The following SGCZ variants were observed in gnomAD, a reference collection of about 807,000 sequenced individuals.
SGCZ encodes sarcoglycan zeta.
In SGCZ, 40 loss-of-function variants were observed where a neutral mutation model predicts 41.3. That is an observed-to-expected ratio of 0.97 (90% confidence interval 0.75 to 1.26). SGCZ has a LOEUF of 1.26. SGCZ is among the 50% of genes most tolerant of loss of function. SGCZ has a pLI of 0.00. For synonymous variants in SGCZ, 206 were observed against 137.5 expected, an observed-to-expected ratio of 1.50 and a Z score of -3.49; for missense variants, 552 against 369.8, an observed-to-expected ratio of 1.49 and a Z score of -4.04.
Position 14,449,707 on chromosome 8 carries a change from T to G in SGCZ, c.234+105025A>C, listed in dbSNP as rs553398999. ...CAAAGATACTCTTCATGCATTAAAG[T>G]AAATTTTTGTCTTCCATTTCTGCAG... On this transcript the variant is annotated intron_variant, in intron 2 of 7. Transcript: ENST00000382080. 1.9e-4 allele frequency among the ~76,000 whole-genome samples: 29 copies of G among 152,232 alleles called. No individual in the cohort carries two copies. The South Asian group carries it at 5.8e-3, about 30-fold the overall frequency.
chr8:14,573,632 C>A (rs1481052477), intron 1 of SGCZ, among the ~76,000 whole-genome samples: 1 of 152,042 alleles, frequency 6.6e-6, no homozygotes, highest in Non-Finnish European at 1.5e-5. Context: ...TTGTATTTAT[C>A]TTTTCTGTTC....
intron 2 of SGCZ, among the ~76,000 whole-genome samples, chr8:14,554,392 C>G (rs557178246): frequency 1.1e-4 from 17 of 152,068 alleles, no homozygotes; most frequent in African/African-American, 4.1e-4. Flanking sequence ...TGTGAAGTAT[C>G]ACTTCTAAAA....
chr8:15,067,372 G>A (rs1020582097), intron 1 of SGCZ, among the ~76,000 whole-genome samples: 2 of 152,104 alleles, frequency 1.3e-5, no homozygotes, highest in Non-Finnish European at 2.9e-5. Flanking sequence ...AGAACTAGAA[G>A]AAATTATTTT....
intron 2 of SGCZ, among the ~76,000 whole-genome samples, chr8:14,516,583 T>C (rs17119543): frequency 0.018 from 2,677 of 152,194 alleles, 41 homozygotes; most frequent in East Asian, 0.08. Context: ...CCTGGACCAC[T>C]GCAGCAATTT....
At chr8:15,118,642 C>G (rs1416096674) in intron 1 of SGCZ, among the ~76,000 whole-genome samples, 1 of 151,938 alleles carries the variant, frequency 6.6e-6, no homozygotes, top group Admixed American at 6.6e-5. Flanking sequence ...ATAGGTCAAT[C>G]AAAAATAAGG....
chr8:14,341,300 G>T (rs1024401222), intron 2 of SGCZ, among the ~76,000 whole-genome samples: 1 of 152,146 alleles, frequency 6.6e-6, no homozygotes, highest in Non-Finnish European at 1.5e-5. Context: ...AAGCAGATTT[G>T]CTGCATCATG....
rs140380136 is a variant in SGCZ, at chr8:14,217,449, G to A, written c.424+20143C>T. On this transcript the variant is annotated intron_variant, in intron 4 of 7. Transcript: ENST00000382080. ...TGTATGGTATAGTTACATAAGAGAT[G>A]ACATTGTAAGACGTGGGGTGAAAGG... Among the ~76,000 whole-genome samples the A allele has an allele frequency of 2.1e-4, 32 of 152,068 alleles. No individual in the cohort carries two copies. The East Asian group carries it at 5.6e-3, about 27-fold the overall frequency.
rs570418230 is a variant in SGCZ, at chr8:15,023,777, T to C, written c.39+213808A>G. Among the ~76,000 whole-genome samples the C allele has an allele frequency of 1.2e-4, 18 of 152,300 alleles. 1 individual carries two copies. In the South Asian group the frequency reaches 3.5e-3, roughly 30 times the overall value. Reference sequence around the variant, plus strand: ...AGTGGACAGTAGACAAAAAAGGTTATGTGAGAGAGAGTCCCATTTGGCCTG... The same window carrying C: ...AGTGGACAGTAGACAAAAAAGGTTACGTGAGAGAGAGTCCCATTTGGCCTG... On this transcript the variant is annotated intron_variant, in intron 1 of 7. Transcript: ENST00000382080.
chr8:14,129,067 T>C (rs894891939), intron 5 of SGCZ, among the ~76,000 whole-genome samples: 1 of 151,624 alleles, frequency 6.6e-6, no homozygotes, highest in Admixed American at 6.6e-5. Context: ...TTCTCTTGGG[T>C]CGGGCATGGT....
At chr8:14,774,653 G>C (rs1269195425) in intron 1 of SGCZ, among the ~76,000 whole-genome samples, 6 of 152,168 alleles carry the variant, frequency 3.9e-5, no homozygotes, top group Admixed American at 3.9e-4. Flanking sequence ...ACAGCCTCAT[G>C]TGTTTTGGAT....
chr8:14,457,902 C>T (rs1407125602), intron 2 of SGCZ, among the ~76,000 whole-genome samples: 3 of 152,144 alleles, frequency 2.0e-5, no homozygotes, highest in Non-Finnish European at 4.4e-5. Flanking sequence ...GTAGTGGTCC[C>T]CGGGGCCCAG....
At chr8:14,902,804 T>A (rs1799010389) in intron 1 of SGCZ, among the ~76,000 whole-genome samples, 1 of 152,154 alleles carries the variant, frequency 6.6e-6, no homozygotes, top group Admixed American at 6.6e-5. Flanking sequence ...CAGGAATACA[T>A]GCTCTATAGT....
chr8:14,338,868 G>GT (rs1802595370), intron 2 of SGCZ, among the ~76,000 whole-genome samples: 2 of 152,094 alleles, frequency 1.3e-5, no homozygotes, highest in African/African-American at 4.8e-5. Context: ...TAAGGAGCAG[G>GT]TAAGAAAAGG....
chr8:14,163,446 TTTA>T (rs1296286163), intron 5 of SGCZ, among the ~76,000 whole-genome samples: 1 of 152,176 alleles, frequency 6.6e-6, no homozygotes, highest in Non-Finnish European at 1.5e-5. Flanking sequence ...CCTGCATTAG[TTTA>T]ATACACCTTT....
At chr8:15,179,903 A>C (rs933007147) in intron 1 of SGCZ, among the ~76,000 whole-genome samples, 1 of 152,228 alleles carries the variant, frequency 6.6e-6, no homozygotes, top group Non-Finnish European at 1.5e-5. Context: ...AACAACCTGC[A>C]AGGAACTACT....
chr8:14,161,993 G>A lies in SGCZ; in HGVS notation c.547+2587C>T, dbSNP rs891863368. 2.0e-5 allele frequency among the ~76,000 whole-genome samples: 3 copies of A among 152,122 alleles called. No homozygotes were observed. The East Asian group carries it at 5.8e-4, about 29-fold the overall frequency. ...ATAAAGGGAGAGAGAATAGATAACTGCCTTAAGGCACTGAATTAAAAAGCA... is the reference window on the plus strand; with the variant it reads ...ATAAAGGGAGAGAGAATAGATAACTACCTTAAGGCACTGAATTAAAAAGCA... On this transcript the variant is annotated intron_variant, in intron 5 of 7. Transcript: ENST00000382080.
chr8:14,639,976 C>T lies in SGCZ; in HGVS notation c.40-85050G>A, dbSNP rs142090010. On this transcript the variant is annotated intron_variant, in intron 1 of 7. Transcript: ENST00000382080. ...AGTTACTTAGAGCAGAAAGATAAAT[C>T]CCGAGATATACTTGTCATCAATCAC... Among the ~76,000 whole-genome samples the T allele has an allele frequency of 1.3e-3, 198 of 151,622 alleles. 3 individuals carry two copies. Among genetic ancestry groups the T allele is most frequent in the African/African-American group, 4.1e-3 (169 of 41,430 alleles).
chr8:14,996,015 TGCC>T (rs1290559543), intron 1 of SGCZ, among the ~76,000 whole-genome samples: 1 of 152,050 alleles, frequency 6.6e-6, no homozygotes, highest in East Asian at 1.9e-4. Flanking sequence ...GTGATTCTCC[TGCC>T]TCAGCCTCCC....
Position 15,177,389 on chromosome 8 carries a change from C to T in SGCZ, c.39+60196G>A, listed in dbSNP as rs192085749. On this transcript the variant is annotated intron_variant, in intron 1 of 7. Coordinates refer to ENST00000382080, the MANE Select transcript of SGCZ (RefSeq NM_139167.4). ...TATGTTGTAAAATAAGGAGCTGAGG[C>T]CTTACCTCAATGGATATGGCATGGC... Among the ~76,000 whole-genome samples, 398 of 151,730 alleles carry T rather than the reference C, an allele frequency of 2.6e-3. 3 individuals carry two copies. Among genetic ancestry groups the T allele is most frequent in the African/African-American group, 9.2e-3 (378 of 41,048 alleles).
Sources: gnomAD v4.1 joint callset for allele counts (sites outside exome capture counted in the v4.1 genomes callset) on GRCh38, gnomAD v4.1.1 for gene constraint, MANE v1.5 for transcripts, NCBI Gene and HGNC (gene_info 2026-07-23, HGNC 2026-07-21) for gene names.